PSMB7: variants seen among roughly 807,000 people sequenced by gnomAD.
The protein encoded by PSMB7 is proteasome subunit beta type-7.
Under a neutral mutation model 28.1 loss-of-function variants are expected in PSMB7, and 5 were observed. The observed-to-expected ratio is 0.18, with a 90% CI of 0.09 to 0.37. The LOEUF is 0.37. Among genes scored for constraint, PSMB7 ranks in the 10% least tolerant of loss-of-function variants. The probability of loss-of-function intolerance (pLI) is 1.00; values close to 1 mark genes in which losing one functional copy is unlikely to be tolerated. For missense variants in PSMB7, 275 were observed against 346.2 expected (o/e 0.79, Z 1.63); for synonymous variants, 122 against 123.7 (o/e 0.99, Z 0.09).
intron 6 of PSMB7, among the ~76,000 whole-genome samples, chr9:124,364,356 G>A (rs1418931998): frequency 6.6e-6 from 1 of 152,090 alleles, no homozygotes; most frequent in Non-Finnish European, 1.5e-5. Context: ...TGGTTTTGCT[G>A]GAATCCGTGA....
chr9:124,384,246 T>G, intron 6 of PSMB7: 1 of 223,542 alleles, frequency 4.5e-6, no homozygotes, highest in Non-Finnish European at 8.6e-6. Flanking sequence ...TTTCTGTTCT[T>G]AGTAAGAACA....
At chr9:124,382,860 C>A (rs1254448511) in intron 6 of PSMB7, among the ~76,000 whole-genome samples, 1 of 152,232 alleles carries the variant, frequency 6.6e-6, no homozygotes, top group East Asian at 1.9e-4. Flanking sequence ...GTTAAAGTCA[C>A]TTCTAATGTA....
At chr9:124,408,872 AATTAT>A (rs1207399684) in intron 4 of PSMB7, among the ~76,000 whole-genome samples, 1 of 152,280 alleles carries the variant, frequency 6.6e-6, no homozygotes, top group East Asian at 1.9e-4. Flanking sequence ...CGTTTTTTAC[AATTAT>A]ATTATTTTTA....
intron 6 of PSMB7, among the ~76,000 whole-genome samples, chr9:124,362,225 T>C (rs1830470436): frequency 6.6e-6 from 1 of 152,200 alleles, no homozygotes; most frequent in African/African-American, 2.4e-5. Context: ...AGAAATAAAA[T>C]TGGTTATTTG....
chr9:124,405,234 C>G, intron 5 of PSMB7, 83 bp downstream of exon 5: 1 of 937,172 alleles, frequency 1.1e-6, no homozygotes, highest in East Asian at 2.5e-5. Flanking sequence ...ACCTCCTCTT[C>G]TAAGAGAAAA....
intron 5 of PSMB7, among the ~76,000 whole-genome samples, chr9:124,399,831 A>G (rs1245192721): frequency 6.6e-6 from 1 of 152,120 alleles, no homozygotes; most frequent in Non-Finnish European, 1.5e-5. Context: ...ATTTCTGGCC[A>G]GGATGCAAGC....
chr9:124,357,066 A>C, intron 6 of PSMB7, 151 bp from the exon 7 acceptor site: 1 of 960,042 alleles, frequency 1.0e-6, no homozygotes, highest in Non-Finnish European at 1.5e-6. Context: ...AAGATCTCAA[A>C]GTACCTTGAT....
intron 7 of PSMB7, among the ~76,000 whole-genome samples, chr9:124,354,535 T>G (rs1210706550): frequency 6.6e-6 from 1 of 151,808 alleles, no homozygotes; most frequent in Non-Finnish European, 1.5e-5. Flanking sequence ...ACACCCATCC[T>G]CTCCCCTGGA....
intron 3 of PSMB7, 63 bp downstream of exon 3, chr9:124,413,845 G>T: frequency 8.6e-7 from 1 of 1,168,496 alleles, no homozygotes; most frequent in Non-Finnish European, 1.3e-6. Context: ...AGCACAGGAA[G>T]GTCAATTTTT....
intron 4 of PSMB7, among the ~76,000 whole-genome samples, chr9:124,408,818 A>T (rs1040423072): frequency 1.3e-5 from 2 of 152,240 alleles, no homozygotes; most frequent in African/African-American, 4.8e-5. Flanking sequence ...GTGGCAGAAC[A>T]TCAGGTGGCA....
chr9:124,359,825 G>A (rs911206331), intron 6 of PSMB7, among the ~76,000 whole-genome samples: 2 of 152,092 alleles, frequency 1.3e-5, no homozygotes, highest in African/African-American at 4.8e-5. Flanking sequence ...CCACTTCAAG[G>A]GCCTTCTTCA....
At chr9:124,399,231 A>G (rs1011522815) in intron 5 of PSMB7, among the ~76,000 whole-genome samples, 1 of 152,210 alleles carries the variant, frequency 6.6e-6, no homozygotes, top group African/African-American at 2.4e-5. Flanking sequence ...TTCACCATCA[A>G]ATATTCACTG....
At chr9:124,370,248 C>T (rs1830547650) in intron 6 of PSMB7, among the ~76,000 whole-genome samples, 1 of 147,764 alleles carries the variant, frequency 6.8e-6, no homozygotes, top group African/African-American at 2.5e-5. Flanking sequence ...TTAAAGCTTT[C>T]ACAATAGCAG....
At chr9:124,409,741 C>T (rs1006498810) in intron 4 of PSMB7, among the ~76,000 whole-genome samples, 1 of 152,148 alleles carries the variant, frequency 6.6e-6, no homozygotes, top group Non-Finnish European at 1.5e-5. Flanking sequence ...AAACTATTAT[C>T]CTCATTTTAT....
At chr9:124,387,055 G>A (rs1443413204) in intron 5 of PSMB7, among the ~76,000 whole-genome samples, 19 of 152,116 alleles carry the variant, frequency 1.2e-4, no homozygotes, top group Admixed American at 1.2e-3. Context: ...GACCATCCTG[G>A]CTAGCACAGT....
intron 3 of PSMB7, among the ~76,000 whole-genome samples, chr9:124,413,153 C>CAAA (rs61132576): frequency 6.8e-4 from 32 of 46,906 alleles, no homozygotes; most frequent in South Asian, 1.7e-3. Context: ...GCATCTCTCC[C>CAAA]AAAAAAAAAA....
rs769851089 is a variant in PSMB7 at position 124,412,480 on chromosome 9, A to G, written c.267T>C (p.Ala89=). The change falls in exon 4 of 8, where the codon GCT becomes GCC. Residue 89 remains alanine, a synonymous_variant. Transcript: ENST00000259457. ...TCATGTCTGTGTCTGCAGCTGTCCCAGCACCACAACAACTGAAAAATCCAA... is the reference window on the plus strand; with the variant it reads ...TCATGTCTGTGTCTGCAGCTGTCCCGGCACCACAACAACTGAAAAATCCAA... ...FISPNIYCCG[A]GTAADTDMTT... is the part of the protein sequence containing the mutation. 35 of 1,613,916 alleles carry G rather than the reference A, an allele frequency of 2.2e-5. No homozygotes were observed. Among genetic ancestry groups the G allele is most frequent in the Non-Finnish European group, 2.9e-5 (34 of 1,179,946 alleles).
At chr9:124,400,413 T>C (rs756707143) in intron 5 of PSMB7, among the ~76,000 whole-genome samples, 10 of 152,202 alleles carry the variant, frequency 6.6e-5, no homozygotes, top group Non-Finnish European at 1.2e-4. Flanking sequence ...AAAGGTAAAA[T>C]GCACTGTCCC....
At chr9:124,383,385 T>C (rs998764214) in intron 6 of PSMB7, among the ~76,000 whole-genome samples, 1 of 152,198 alleles carries the variant, frequency 6.6e-6, no homozygotes, top group Non-Finnish European at 1.5e-5. Flanking sequence ...CGAAGAAATC[T>C]TGCCAAGTGA....
Sources: gnomAD v4.1 joint callset for allele counts (sites outside exome capture counted in the v4.1 genomes callset) on GRCh38, gnomAD v4.1.1 for gene constraint, MANE v1.5 for transcripts, NCBI Gene and HGNC (gene_info 2026-07-23, HGNC 2026-07-21) for gene names.